CPT1A: variants seen among roughly 807,000 people sequenced by gnomAD.
The protein encoded by CPT1A is carnitine palmitoyltransferase 1A.
CPT1A carries 64 observed loss-of-function variants against 100.8 expected under a neutral mutation model. That is an observed-to-expected ratio of 0.63 (90% CI 0.52 to 0.78). The LOEUF is 0.78. Ranked by LOEUF, CPT1A falls within the 30% of genes least tolerant of loss-of-function variation. The pLI is 0.00. For missense variants in CPT1A, 802 were observed against 1,034.1 expected, an observed-to-expected ratio of 0.78 and a Z score of 3.08; for synonymous variants, 363 against 396.0, an observed-to-expected ratio of 0.92 and a Z score of 0.99.
At chr11:68,761,472 G>A (rs1854613653) in intron 16 of CPT1A, 63 bp downstream of exon 16, 3 of 1,544,648 alleles carry the variant, frequency 1.9e-6, no homozygotes, top group African/African-American at 2.7e-5. Flanking sequence ...ATGCAAGGCT[G>A]TAGTAATTTA....
intron 9 of CPT1A, among the ~76,000 whole-genome samples, chr11:68,786,691 G>C (rs1367185717): frequency 6.6e-6 from 1 of 152,156 alleles, no homozygotes; most frequent in Non-Finnish European, 1.5e-5. Flanking sequence ...ACCACACCTG[G>C]CTAATTTTTG....
chr11:68,820,940 T>C (rs1026754409), intron 1 of CPT1A, among the ~76,000 whole-genome samples: 2 of 152,246 alleles, frequency 1.3e-5, no homozygotes, highest in South Asian at 2.1e-4. Context: ...CCCATGAATG[T>C]GCAGTCCCTT....
At chr11:68,772,488 G>A (rs1373442148) in intron 14 of CPT1A, among the ~76,000 whole-genome samples, 1 of 136,818 alleles carries the variant, frequency 7.3e-6, no homozygotes, top group African/African-American at 2.6e-5. Flanking sequence ...TGCTAGGGGT[G>A]CAGGCTGCTC....
chr11:68,820,402 G>T (rs919811789), intron 1 of CPT1A, among the ~76,000 whole-genome samples: 1 of 152,074 alleles, frequency 6.6e-6, no homozygotes, highest in Non-Finnish European at 1.5e-5. Context: ...AAAACTCCAG[G>T]CTTGGTGCGG....
At chr11:68,759,746 G>T in intron 17 of CPT1A, 85 bp from the exon 18 acceptor site, 1 of 1,003,704 alleles carries the variant, frequency 1.0e-6, no homozygotes, top group Non-Finnish European at 1.6e-6. Context: ...ATGCAACACT[G>T]GCGGGGCTCG....
intron 1 of CPT1A, among the ~76,000 whole-genome samples, chr11:68,826,219 G>A (rs796485103): frequency 3.7e-4 from 56 of 152,252 alleles, no homozygotes; most frequent in African/African-American, 1.1e-3. Flanking sequence ...GCCAAGGTGG[G>A]AGGATCACTG....
Position 68,807,629 on chromosome 11 carries a change from C to T in CPT1A, c.291G>A (p.Met97Ile). The T allele has an allele frequency of 6.2e-7, 1 of 1,614,068 alleles. No individual in the cohort carries two copies. The highest frequency in any genetic ancestry group is 1.3e-5 in the African/African-American group (1 of 75,064). Reference sequence around the variant, plus strand: ...TGACCACGTTCTTCGTCTGGCTGGACATGCAGTTGCTGTGGAGACAGACCC... The same window carrying T: ...TGACCACGTTCTTCGTCTGGCTGGATATGCAGTTGCTGTGGAGACAGACCC... ...INRTLETANC[M>I]SSQTKNVVSG... is the part of the protein sequence containing the mutation. Residue 97 changes from methionine to isoleucine, a missense_variant, in exon 4 of 19, where the codon ATG (methionine) becomes ATA (isoleucine). This residue lies in a region of CPT1A where 161 missense variants were observed against 183.7 expected (regional missense o/e 0.88). Coordinates refer to ENST00000265641, the MANE Select transcript of CPT1A (RefSeq NM_001876.4).
chr11:68,785,056 T>G, intron 9 of CPT1A, 46 bp from the exon 10 acceptor site: 1 of 1,580,722 alleles, frequency 6.3e-7, no homozygotes, highest in Non-Finnish European at 8.7e-7. Context: ...AGTCCCAAGT[T>G]CAGCACGTGC....
intron 12 of CPT1A, among the ~76,000 whole-genome samples, chr11:68,777,957 C>T (rs1467345425): frequency 6.6e-6 from 1 of 152,174 alleles, no homozygotes; most frequent in East Asian, 1.9e-4. Context: ...CTAAAAGGCT[C>T]TCTCAGCTTT....
At chr11:68,769,300 G>A (rs532182448) in intron 14 of CPT1A, among the ~76,000 whole-genome samples, 25 of 152,030 alleles carry the variant, frequency 1.6e-4, no homozygotes, top group Non-Finnish European at 2.9e-4. Flanking sequence ...GCAGTGGCAC[G>A]ATCACGGCTC....
At chr11:68,762,065 C>T (rs1303199035) in intron 15 of CPT1A, among the ~76,000 whole-genome samples, 2 of 152,332 alleles carry the variant, frequency 1.3e-5, no homozygotes, top group Admixed American at 6.5e-5. Flanking sequence ...GGTCTGACCT[C>T]GGCCATTAGT....
In CPT1A at chr11:68,793,721, C is replaced by T. The variant is rs562846050; in HGVS notation, c.880-319G>A. ...AGATCGTGCCACTACACTCCAGCCT[C>T]GGCAACAGAGCGAGACTCTGTCTCA... On this transcript the variant is annotated intron_variant, in intron 8 of 18. Coordinates refer to ENST00000265641, the MANE Select transcript of CPT1A (RefSeq NM_001876.4). Among the ~76,000 whole-genome samples the T allele has an allele frequency of 1.8e-4, 26 of 145,950 alleles. No homozygotes were observed. The East Asian group carries it at 4.0e-3, about 22-fold the overall frequency.
In CPT1A at chr11:68,807,622, G is replaced by C; in HGVS notation, c.298C>G (p.Gln100Glu). 6.2e-7 allele frequency: 1 copy of C among 1,614,082 alleles called. No homozygotes were observed. The highest frequency in any genetic ancestry group is 1.3e-5 in the African/African-American group (1 of 75,068). ...ACGCCGCTGACCACGTTCTTCGTCT[G>C]GCTGGACATGCAGTTGCTGTGGAGA... ...TLETANCMSS[Q>E]TKNVVSGVLF... Residue 100 changes from glutamine (Q) to glutamate (E), a missense_variant, in exon 4 of 19, where the codon CAG becomes GAG. By Grantham distance (29) the Gln-to-Glu change is conservative. Transcript: ENST00000265641.
rs1324875404 is a variant in CPT1A, at chr11:68,756,356, C to T, written c.*1288G>A. On this transcript the variant is annotated 3_prime_UTR_variant, in exon 19 of 19. Transcript: ENST00000265641. The stretch of plus-strand genomic sequence containing the variant: ...TTTTTGCATTAAATACTGAAGATGA[C>T]TCAGTGCATAATTGCTTTGTGGTCC... 5.9e-5 allele frequency: 9 copies of T among 152,228 alleles called. No individual in the cohort carries two copies. The highest frequency in any genetic ancestry group is 2.2e-4 in the African/African-American group (9 of 41,454). The allele number at this position is 152,228 out of a possible 1,614,324, so 9.4% of individuals were successfully genotyped here. A position where few individuals can be genotyped will look rare whatever the true frequency, so the allele number is the denominator to read the frequency against.
chr11:68,819,051 A>G (rs1387481031), intron 1 of CPT1A, among the ~76,000 whole-genome samples: 1 of 152,098 alleles, frequency 6.6e-6, no homozygotes, highest in Non-Finnish European at 1.5e-5. Context: ...AAGCTATCTA[A>G]GCAGCTGTAA....
At chr11:68,765,707 G>A (rs571679451) in intron 14 of CPT1A, among the ~76,000 whole-genome samples, 7 of 152,028 alleles carry the variant, frequency 4.6e-5, no homozygotes, top group Non-Finnish European at 8.8e-5. Context: ...TGATGCTCCC[G>A]GCACAGGCAA....
At chr11:68,838,619 G>T (rs1310086770) in intron 1 of CPT1A, among the ~76,000 whole-genome samples, 1 of 139,256 alleles carries the variant, frequency 7.2e-6, no homozygotes, top group African/African-American at 2.6e-5. Context: ...TGTCACCGAG[G>T]CTGGAGCGCA....
chr11:68,806,682 C>A (rs1164911941), intron 4 of CPT1A, among the ~76,000 whole-genome samples: 4 of 150,948 alleles, frequency 2.6e-5, no homozygotes, highest in Non-Finnish European at 5.9e-5. Context: ...CCTGTAATCC[C>A]AGCACTTTGA....
rs141280678 is a variant in CPT1A, at chr11:68,819,348, G to A, written c.-13-3861C>T. Among the ~76,000 whole-genome samples the A allele has an allele frequency of 2.0e-4, 31 of 152,252 alleles. No homozygotes were observed. The South Asian group carries it at 4.1e-3, about 20-fold the overall frequency. The stretch of plus-strand genomic sequence containing the variant: ...GCCCACCTCGGCCTCCCAAAGTGCC[G>A]GGATTACTGCTATGAGCCACCACGC... On this transcript the variant is annotated intron_variant, in intron 1 of 18. Transcript: ENST00000265641.
Sources: allele counts gnomAD v4.1 joint callset (sites outside exome capture counted in the v4.1 genomes callset), GRCh38; gene constraint gnomAD v4.1.1; regional missense constraint gnomAD v4.1.1; transcripts MANE v1.5; gene names NCBI Gene and HGNC (gene_info 2026-07-23, HGNC 2026-07-21).